Variants in TMTC1 observed in about 807,000 individuals in gnomAD.
The protein encoded by TMTC1 is protein O-mannosyl-transferase TMTC1.
A neutral mutation model predicts 104.8 loss-of-function variants in TMTC1; 73 were observed. The observed-to-expected ratio is 0.70, with a 90% confidence interval of 0.58 to 0.85. The LOEUF is 0.85. Among genes scored for constraint, TMTC1 ranks in the 40% least tolerant of loss-of-function variants. The pLI is 0.00. For synonymous variants in TMTC1, 434 were observed against 428.7 expected (o/e 1.01, Z -0.15); for missense variants, 1,035 against 1,096.1 (o/e 0.94, Z 0.79).
chr12:29,737,936 C>T (rs1008031455), intron 5 of TMTC1, among the ~76,000 whole-genome samples: 3 of 152,114 alleles, frequency 2.0e-5, no homozygotes, highest in Non-Finnish European at 4.4e-5. Context: ...AATAATGAAG[C>T]CAATCTTGCA....
rs142464128 is a variant in TMTC1, at chr12:29,662,178, T to C, written c.939-28842A>G. On this transcript the variant is annotated intron_variant, in intron 5 of 17. Coordinates refer to ENST00000539277, the MANE Select transcript of TMTC1 (RefSeq NM_001193451.2). The stretch of plus-strand genomic sequence containing the variant: ...TCCTTATTTCCTCTATCCCTTTTCA[T>C]TGTTTTTTTCTCCTTTTTAAATCCA... Among the ~76,000 whole-genome samples, 11 of 152,292 alleles carry C rather than the reference T, an allele frequency of 7.2e-5. No individual in the cohort carries two copies. In the East Asian group the frequency reaches 1.5e-3, roughly 21 times the overall value.
intron 9 of TMTC1, among the ~76,000 whole-genome samples, chr12:29,562,892 A>G (rs1945413075): frequency 6.6e-6 from 1 of 152,198 alleles, no homozygotes. Flanking sequence ...AACCCATGCC[A>G]GGCTGAAGCA....
intron 5 of TMTC1, among the ~76,000 whole-genome samples, chr12:29,748,409 T>C (rs146804693): frequency 1.1e-4 from 17 of 152,322 alleles, no homozygotes; most frequent in South Asian, 6.2e-4. Flanking sequence ...CAGCTCCACA[T>C]AGAAATCAAA....
At chr12:29,664,250 A>G (rs1404859246) in intron 5 of TMTC1, among the ~76,000 whole-genome samples, 1 of 151,912 alleles carries the variant, frequency 6.6e-6, no homozygotes, top group East Asian at 1.9e-4. Context: ...AATAAAATGT[A>G]GCATCCCAAT....
At chr12:29,632,852 A>T in intron 6 of TMTC1, among the ~76,000 whole-genome samples, 1 of 152,338 alleles carries the variant, frequency 6.6e-6, no homozygotes, top group Non-Finnish European at 1.5e-5. Flanking sequence ...TAGGTTATTT[A>T]CCACAATTTC....
chr12:29,540,973 C>T (rs865945428), intron 10 of TMTC1, among the ~76,000 whole-genome samples: 17 of 150,198 alleles, frequency 1.1e-4, no homozygotes, highest in South Asian at 2.2e-4. Flanking sequence ...CCAGCCTGGG[C>T]GACAGAGTGA....
chr12:29,678,247 A>G (rs1478358528), intron 5 of TMTC1, among the ~76,000 whole-genome samples: 1 of 152,188 alleles, frequency 6.6e-6, no homozygotes. Flanking sequence ...AACCATAGAG[A>G]AGTGCTGCTA....
At chr12:29,642,767 T>A (rs1019039653) in intron 5 of TMTC1, among the ~76,000 whole-genome samples, 5 of 151,818 alleles carry the variant, frequency 3.3e-5, no homozygotes, top group Admixed American at 2.6e-4. Flanking sequence ...CCACTAAAAA[T>A]ATGAAAAATT....
At position 29,538,179 on chromosome 12, in the gene TMTC1, G is replaced by A. The variant is rs192561822; in HGVS notation, c.1677-1862C>T. Among the ~76,000 whole-genome samples the A allele has an allele frequency of 3.0e-3, 460 of 152,248 alleles. 1 individual carries two copies. The highest frequency in any genetic ancestry group is 0.01 in the Middle Eastern group (3 of 294). On this transcript the variant is annotated intron_variant, in intron 10 of 17. Coordinates refer to ENST00000539277, the MANE Select transcript of TMTC1 (RefSeq NM_001193451.2). ...ATTAATTTGTATTACAGCTCGCTTA[G>A]TGCTTTATTATTGATTCACTCATTT...
intron 2 of TMTC1, among the ~76,000 whole-genome samples, chr12:29,759,544 G>C (rs1023304000): frequency 7.2e-5 from 11 of 152,250 alleles, no homozygotes; most frequent in Admixed American, 3.9e-4. Context: ...ACTCATGATT[G>C]CTATATGTGA....
chr12:29,688,974 A>G (rs1037721712), intron 5 of TMTC1, among the ~76,000 whole-genome samples: 6 of 152,110 alleles, frequency 3.9e-5, no homozygotes, highest in African/African-American at 1.4e-4. Flanking sequence ...AACCTAGAAG[A>G]CTTCTTAAGG....
At chr12:29,606,437 G>C (rs980776330) in intron 6 of TMTC1, among the ~76,000 whole-genome samples, 1 of 152,160 alleles carries the variant, frequency 6.6e-6, no homozygotes. Context: ...CCCAAATAAA[G>C]AGTGTCTTGT....
At position 29,648,235 on chromosome 12, in the gene TMTC1, T is replaced by A. The variant is rs564042387; in HGVS notation, c.939-14899A>T. 1.6e-4 allele frequency among the ~76,000 whole-genome samples: 25 copies of A among 152,278 alleles called. No homozygotes were observed. In the South Asian group the frequency reaches 4.1e-3, roughly 25 times the overall value. On this transcript the variant is annotated intron_variant, in intron 5 of 17. Coordinates refer to ENST00000539277, the MANE Select transcript of TMTC1 (RefSeq NM_001193451.2). ...CTGGGCATCTGGACTTCAGAACTCA[T>A]ACTTTAACATGATTCCCTAGTGTTT... is the stretch of plus-strand genomic sequence containing the variant.
chr12:29,692,703 G>A (rs2136761964), intron 5 of TMTC1, among the ~76,000 whole-genome samples: 1 of 145,318 alleles, frequency 6.9e-6, no homozygotes, highest in Admixed American at 7.1e-5. Context: ...AATGTATAGA[G>A]TATTATTCAC....
intron 1 of TMTC1, among the ~76,000 whole-genome samples, chr12:29,776,534 A>T (rs925931720): frequency 4.6e-5 from 7 of 152,224 alleles, no homozygotes; most frequent in African/African-American, 1.4e-4. Context: ...CAGTCACAAA[A>T]AGGATTTATT....
chr12:29,687,958 AGTTACATTGG>A (rs1183547532), intron 5 of TMTC1, among the ~76,000 whole-genome samples: 1 of 152,202 alleles, frequency 6.6e-6, no homozygotes, highest in Non-Finnish European at 1.5e-5. Context: ...CTCCAAATAT[AGTTACATTGG>A]AGGTCAGGGT....
chr12:29,699,859 C>T (rs1591944714), intron 5 of TMTC1, among the ~76,000 whole-genome samples: 1 of 151,882 alleles, frequency 6.6e-6, no homozygotes, highest in Non-Finnish European at 1.5e-5. Context: ...CAGGGCTGGT[C>T]TTGAACTCCT....
intron 6 of TMTC1, among the ~76,000 whole-genome samples, chr12:29,605,122 T>C (rs1044122225): frequency 1.3e-5 from 2 of 152,116 alleles, no homozygotes; most frequent in East Asian, 1.9e-4. Flanking sequence ...CAAAACTTAA[T>C]GTACTGGAGA....
At chr12:29,673,753 T>C (rs1940610512) in intron 5 of TMTC1, among the ~76,000 whole-genome samples, 1 of 138,276 alleles carries the variant, frequency 7.2e-6, no homozygotes, top group Admixed American at 7.2e-5. Flanking sequence ...TCTTTTTTTT[T>C]TTTTTTTTTT....
Sources: gnomAD v4.1 joint callset for allele counts (sites outside exome capture counted in the v4.1 genomes callset) on GRCh38, gnomAD v4.1.1 for gene constraint, MANE v1.5 for transcripts, NCBI Gene and HGNC (gene_info 2026-07-23, HGNC 2026-07-21) for gene names.